ATXN7: variants seen among roughly 807,000 people sequenced by gnomAD.
The protein encoded by ATXN7 is ataxin-7.
ATXN7 carries 12 observed loss-of-function variants against 70.5 expected under a neutral mutation model. That is an observed-to-expected ratio of 0.17 (90% CI 0.11 to 0.28). ATXN7 has a LOEUF of 0.28. ATXN7 is among the 10% of genes least tolerant of loss of function. The probability of loss-of-function intolerance (pLI) is 1.00; values close to 1 mark genes in which losing one functional copy is unlikely to be tolerated. For missense variants in ATXN7, 1,256 were observed against 1,131.7 expected (o/e 1.11, Z -1.58); for synonymous variants, 498 against 448.7 (o/e 1.11, Z -1.39).
chr3:63,946,811 A>G (rs1048540735), intron 4 of ATXN7, among the ~76,000 whole-genome samples: 3 of 152,072 alleles, frequency 2.0e-5, no homozygotes, highest in African/African-American at 7.2e-5. Context: ...CCCACTTTGA[A>G]GCCAGCAGGG....
rs73834129 is a variant in ATXN7 at position 63,892,414 on chromosome 3, G to A, written c.-110-5985G>A. ...CACACACACACACACACACACACCC[G>A]CCAACTCCTGTCAACAGGAGTACTG... On this transcript the variant is annotated intron_variant, in intron 1 of 12. Coordinates refer to ENST00000674280, the MANE Select transcript of ATXN7 (RefSeq NM_001377405.1). Among the ~76,000 whole-genome samples the A allele has an allele frequency of 7.5e-3, 726 of 96,648 alleles. 4 individuals are homozygous for A. The highest frequency in any genetic ancestry group is 0.027 in the African/African-American group (687 of 25,884). 63.4% of individuals were successfully genotyped at this position (96,648 alleles called of 152,430 possible). A position where few individuals can be genotyped will look rare whatever the true frequency, so the allele number is the denominator to read the frequency against.
At chr3:63,868,711 C>G (rs1036354279) in intron 1 of ATXN7, among the ~76,000 whole-genome samples, 3 of 152,078 alleles carry the variant, frequency 2.0e-5, no homozygotes, top group Non-Finnish European at 4.4e-5. Context: ...TTATATTTCT[C>G]TCTGTGGGCA....
At chr3:63,872,750 CTG>C (rs935161609) in intron 1 of ATXN7, among the ~76,000 whole-genome samples, 11 of 152,180 alleles carry the variant, frequency 7.2e-5, no homozygotes, top group African/African-American at 2.7e-4. Context: ...TAACTAAACT[CTG>C]TTTGTTTGCC....
At chr3:63,997,498 A>G in intron 12 of ATXN7, 1 of 754,660 alleles carries the variant, frequency 1.3e-6, no homozygotes, top group Non-Finnish European at 2.2e-6. Flanking sequence ...TTTCTCTCTT[A>G]GGCTGTATTT....
At chr3:63,986,930 G>A (rs1457944747) in intron 8 of ATXN7, among the ~76,000 whole-genome samples, 1 of 152,130 alleles carries the variant, frequency 6.6e-6, no homozygotes, top group Non-Finnish European at 1.5e-5. Context: ...AGAAGGAAAC[G>A]TGGGTGAATT....
intron 1 of ATXN7, among the ~76,000 whole-genome samples, chr3:63,886,301 CAGTT>C (rs1388904862): frequency 6.6e-6 from 1 of 152,016 alleles, no homozygotes. Context: ...GTACAAGTTT[CAGTT>C]AGGATGAATG....
chr3:63,949,951 G>A (rs1387845410), intron 4 of ATXN7, among the ~76,000 whole-genome samples: 1 of 152,134 alleles, frequency 6.6e-6, no homozygotes, highest in Non-Finnish European at 1.5e-5. Context: ...AAATAAATGG[G>A]AAAAACCATG....
chr3:63,990,469 G>A (rs2241821), intron 10 of ATXN7, 95 bp downstream of exon 10: 120,680 of 1,459,308 alleles, frequency 0.083, 5,535 homozygotes, highest in Admixed American at 0.16. Flanking sequence ...ATGCCCGTAT[G>A]TGTGGGACGC....
chr3:63,947,412 CCT>C (rs1383663301), intron 4 of ATXN7, among the ~76,000 whole-genome samples: 3 of 152,018 alleles, frequency 2.0e-5, no homozygotes, highest in African/African-American at 7.2e-5. Flanking sequence ...TAGTGAGACC[CCT>C]GTCTCTACAA....
chr3:63,989,703 A>G (rs183821333), intron 9 of ATXN7, among the ~76,000 whole-genome samples: 1 of 152,264 alleles, frequency 6.6e-6, no homozygotes, highest in East Asian at 1.9e-4. Flanking sequence ...ACACCATTTT[A>G]TATCAGGCCA....
At chr3:63,875,904 G>C (rs1184889627) in intron 1 of ATXN7, among the ~76,000 whole-genome samples, 1 of 152,180 alleles carries the variant, frequency 6.6e-6, no homozygotes, top group African/African-American at 2.4e-5. Flanking sequence ...TAATATGGTG[G>C]TTCTTGTTTG....
chr3:63,922,969 C>T (rs961937825), intron 4 of ATXN7, among the ~76,000 whole-genome samples: 2 of 152,148 alleles, frequency 1.3e-5, no homozygotes, highest in South Asian at 2.1e-4. Context: ...AAATCACACT[C>T]GATCAAGGAC....
At chr3:63,923,493 G>A (rs929123934) in intron 4 of ATXN7, among the ~76,000 whole-genome samples, 3 of 152,198 alleles carry the variant, frequency 2.0e-5, no homozygotes, top group South Asian at 2.1e-4. Flanking sequence ...CATTTGAGCT[G>A]AGACCAGAAT....
At chr3:63,939,442 G>C (rs541058017) in intron 4 of ATXN7, among the ~76,000 whole-genome samples, 63 of 152,156 alleles carry the variant, frequency 4.1e-4, no homozygotes, top group African/African-American at 1.5e-3. Flanking sequence ...CCATACTATA[G>C]TCGAAGCAAT....
intron 4 of ATXN7, among the ~76,000 whole-genome samples, chr3:63,932,363 C>A (rs771593729): frequency 8.6e-5 from 13 of 152,038 alleles, no homozygotes; most frequent in Non-Finnish European, 1.9e-4. Context: ...ATAGTAATAC[C>A]ACATAGGCAT....
At chr3:63,998,773 A>T in intron 12 of ATXN7, 1 of 841,316 alleles carries the variant, frequency 1.2e-6, no homozygotes, top group Non-Finnish European at 1.4e-6. Flanking sequence ...GTGACCCCAA[A>T]ATGCTTTAAA....
chr3:63,912,339 C>A (rs1306532790), intron 2 of ATXN7, among the ~76,000 whole-genome samples: 1 of 151,646 alleles, frequency 6.6e-6, no homozygotes, highest in Non-Finnish European at 1.5e-5. Context: ...TGGCGGGCCG[C>A]CTGCTGCCCG....
rs758974749 is a variant in ATXN7 at position 63,912,567 on chromosome 3, CT to C, written c.-11-13del. On this transcript the variant is annotated intron_variant, in intron 2 of 12. Coordinates refer to ENST00000674280, the MANE Select transcript of ATXN7 (RefSeq NM_001377405.1). Reference sequence around the variant, plus strand: ...ACGGCCCCCGCGCGACTCTTTCCCCCTTTTTTTTGTTACATTGTAGGAGCGG... The same window carrying C: ...ACGGCCCCCGCGCGACTCTTTCCCCCTTTTTTTGTTACATTGTAGGAGCGG... 1.8e-4 allele frequency: 206 copies of C among 1,114,934 alleles called. No individual in the cohort carries two copies. Among genetic ancestry groups the C allele is most frequent in the South Asian group, 7.8e-4 (35 of 45,160 alleles). The allele number at this position is 1,114,934 out of a possible 1,614,324, so 69.1% of individuals were successfully genotyped here.
At chr3:63,926,535 C>G (rs1031294283) in intron 4 of ATXN7, among the ~76,000 whole-genome samples, 13 of 152,060 alleles carry the variant, frequency 8.5e-5, no homozygotes, top group African/African-American at 2.9e-4. Flanking sequence ...GGAGAGAATG[C>G]TGTGGAAAAA....
Sources: gnomAD v4.1 joint callset for allele counts (sites outside exome capture counted in the v4.1 genomes callset) on GRCh38, gnomAD v4.1.1 for gene constraint, MANE v1.5 for transcripts, NCBI Gene and HGNC (gene_info 2026-07-23, HGNC 2026-07-21) for gene names.